GART: variants seen among roughly 807,000 people sequenced by gnomAD.
The protein encoded by GART is trifunctional purine biosynthetic protein adenosine-3.
GART carries 43 observed loss-of-function variants against 107.2 expected under a neutral mutation model. The ratio of observed to expected loss-of-function variants is 0.40; its 90% CI spans 0.31 to 0.52. The LOEUF (loss-of-function observed/expected upper bound fraction) is 0.52. GART is among the 20% of genes least tolerant of loss of function. GART has a pLI of 0.52. For missense variants in GART, 1,107 were observed against 1,206.5 expected (o/e 0.92, Z 1.22); for synonymous variants, 434 against 427.0 (o/e 1.02, Z -0.20).
chr21:33,530,705 T>C (rs1383130222), intron 7 of GART, 54 bp downstream of exon 7: 4 of 1,339,342 alleles, frequency 3.0e-6, no homozygotes, highest in Non-Finnish European at 3.9e-6. Flanking sequence ...CATCTAAGAG[T>C]TCTCTGAGAA....
At chr21:33,531,425 G>A in intron 6 of GART, 64 bp downstream of exon 6, 1 of 1,393,830 alleles carries the variant, frequency 7.2e-7, no homozygotes, top group Non-Finnish European at 1.0e-6. Context: ...GTCTTTTCTG[G>A]GGTACACAGG....
intron 6 of GART, 63 bp downstream of exon 6, chr21:33,531,426 G>T: frequency 2.1e-6 from 3 of 1,401,598 alleles, no homozygotes; most frequent in South Asian, 1.2e-5. Context: ...TCTTTTCTGG[G>T]GTACACAGGT....
At chr21:33,531,355 A>T in intron 6 of GART, 134 bp downstream of exon 6, 2 of 764,504 alleles carry the variant, frequency 2.6e-6, no homozygotes, top group Non-Finnish European at 4.3e-6. Context: ...ATAAAAGTAT[A>T]CAAATTCCTT....
intron 19 of GART, 28 bp from the exon 20 acceptor site, chr21:33,505,730 CT>C: frequency 6.4e-7 from 1 of 1,554,424 alleles, no homozygotes; most frequent in South Asian, 1.2e-5. Flanking sequence ...AAGCACAACC[CT>C]TTTCAATGAA....
chr21:33,524,354 G>C (rs1040053271), intron 11 of GART: 3 of 814,106 alleles, frequency 3.7e-6, no homozygotes, highest in African/African-American at 3.7e-5. Flanking sequence ...TTTCAGACTG[G>C]CCTTGGCAAC....
chr21:33,525,568 C>T (rs62227701), intron 10 of GART, among the ~76,000 whole-genome samples: 30 of 152,114 alleles, frequency 2.0e-4, no homozygotes, highest in Non-Finnish European at 4.4e-4. Context: ...GTAGCTGGGA[C>T]TACAGGAATG....
Position 33,506,007 on chromosome 21 carries a change from T to A in GART, c.2550A>T (p.Leu850Phe). Residue 850 changes from leucine (L) to phenylalanine (F), a missense_variant, in exon 19 of 22, where the codon TTA becomes TTT. Physicochemically the swap from Leu to Phe is conservative, Grantham distance 22. Coordinates refer to ENST00000381815, the MANE Select transcript of GART (RefSeq NM_000819.5). Reference protein sequence around the residue: ...VISNKAAVAGLDKAERAGIPT... With the variant: ...VISNKAAVAGFDKAERAGIPT... ...GAATACCAGCTCTTTCCGCTTTATC[T>A]AACCCAGCTACTGCGGCTTTGTTGG... The A allele has an allele frequency of 6.2e-7, 1 of 1,614,232 alleles. No individual in the cohort carries two copies. The highest frequency in any genetic ancestry group is 8.5e-7 in the Non-Finnish European group (1 of 1,180,042).
At position 33,504,137 on chromosome 21, in the gene GART, A is replaced by G. The variant is rs368397225; in HGVS notation, c.3020T>C (p.Val1007Ala). 33 of 1,611,504 alleles carry G rather than the reference A, an allele frequency of 2.0e-5. No homozygotes were observed. In the African/African-American group the frequency reaches 3.2e-4, roughly 16 times the overall value. The change falls in exon 22 of 22, where the codon GTT (valine) becomes GCT (alanine). Residue 1007 changes from valine to alanine, a missense_variant. Physicochemically the swap from Val to Ala is moderately conservative, Grantham distance 64. Coordinates refer to ENST00000381815, the MANE Select transcript of GART (RefSeq NM_000819.5). ...QLGENGKICW[V>A]KEE ...AATTAAAAGGCTTCATTCCTCTTTA[A>G]CCCAACAGATCTTGCCATTTTCTCC...
At chr21:33,536,003 G>A (rs1397162953) in intron 2 of GART, among the ~76,000 whole-genome samples, 1 of 151,698 alleles carries the variant, frequency 6.6e-6, no homozygotes, top group African/African-American at 2.4e-5. Context: ...ACTCCAGCCT[G>A]GGTAGATAAC....
At chr21:33,539,139 A>G in intron 2 of GART, 32 bp downstream of exon 2, 2 of 1,585,614 alleles carry the variant, frequency 1.3e-6, no homozygotes. Context: ...AACAAATAAT[A>G]ACTATTACTC....
chr21:33,541,045 C>G (rs543760418), intron 1 of GART, among the ~76,000 whole-genome samples: 1 of 151,948 alleles, frequency 6.6e-6, no homozygotes, highest in African/African-American at 2.4e-5. Flanking sequence ...AAAAAAAAAA[C>G]CCTGTTAAAT....
intron 14 of GART, chr21:33,518,649 TTTC>T (rs2084919047): frequency 7.4e-6 from 3 of 403,864 alleles, no homozygotes; most frequent in Non-Finnish European, 1.4e-5. Flanking sequence ...CTTCATATTT[TTTC>T]TTCTTCAGAA....
At chr21:33,504,976 A>T (rs2084654354) in intron 20 of GART, among the ~76,000 whole-genome samples, 1 of 152,256 alleles carries the variant, frequency 6.6e-6, no homozygotes, top group African/African-American at 2.4e-5. Flanking sequence ...AAGTGCTCTA[A>T]CTACATTCAC....
At chr21:33,509,976 T>A in intron 17 of GART, 56 bp from the exon 18 acceptor site, 1 of 1,479,254 alleles carries the variant, frequency 6.8e-7, no homozygotes, top group Non-Finnish European at 9.2e-7. Flanking sequence ...TTAACAAGAA[T>A]AATGGAAAGA....
intron 17 of GART, among the ~76,000 whole-genome samples, chr21:33,510,638 C>T (rs573796066): frequency 1.3e-5 from 2 of 152,264 alleles, no homozygotes; most frequent in African/African-American, 4.8e-5. Flanking sequence ...CTGGGTCTCT[C>T]TTTCTTATTG....
intron 18 of GART, 43 bp from the exon 19 acceptor site, chr21:33,506,147 C>CTTTTT: frequency 8.0e-7 from 1 of 1,252,278 alleles, no homozygotes; most frequent in Non-Finnish European, 1.1e-6. Flanking sequence ...ACTACTACTT[C>CTTTTT]TTTTTTTTTT....
chr21:33,523,412 TAA>T (rs2085008470), intron 11 of GART, among the ~76,000 whole-genome samples: 1 of 152,184 alleles, frequency 6.6e-6, no homozygotes, highest in Non-Finnish European at 1.5e-5. Context: ...CTTTATAACT[TAA>T]ATAATTCAGA....
At position 33,509,933 on chromosome 21, in the gene GART, CAT is replaced by C. The variant is rs1452757705; in HGVS notation, c.2315-15_2315-14del. On this transcript the variant is annotated splice_polypyrimidine_tract_variant and intron_variant, in intron 17 of 21. Coordinates refer to ENST00000381815, the MANE Select transcript of GART (RefSeq NM_000819.5). Reference sequence around the variant, plus strand: ...ACACGTGGGGAACCTTCATTTCAAACATATCCATAAATAAGTAAAGAACAATT... The same window carrying C: ...ACACGTGGGGAACCTTCATTTCAAACATCCATAAATAAGTAAAGAACAATT... 6.3e-7 allele frequency: 1 copy of C among 1,599,818 alleles called. No homozygotes were observed. Among genetic ancestry groups the C allele is most frequent in the African/African-American group, 1.3e-5 (1 of 74,082 alleles).
Position 33,530,895 on chromosome 21 carries a change from A to C in GART, c.598-11T>G. The C allele has an allele frequency of 6.6e-7, 1 of 1,516,166 alleles. No individual in the cohort carries two copies. The allele number at this position is 1,516,166 out of a possible 1,614,324, so 93.9% of individuals were successfully genotyped here. On this transcript the variant is annotated splice_polypyrimidine_tract_variant and intron_variant, in intron 6 of 21. Transcript: ENST00000381815. ...AGTGAAACACAGACACTATAAAGAA[A>C]ACAAAATAGTCCATTTATGTTAACT...
Sources: allele counts gnomAD v4.1 joint callset (sites outside exome capture counted in the v4.1 genomes callset), GRCh38; gene constraint gnomAD v4.1.1; transcripts MANE v1.5; gene names NCBI Gene and HGNC (gene_info 2026-07-23, HGNC 2026-07-21).